The following RELN variants were observed in gnomAD, a reference collection of about 807,000 sequenced individuals.
RELN encodes the protein reelin.
A neutral mutation model predicts 427.6 loss-of-function variants in RELN; 108 were observed. That is an observed-to-expected ratio of 0.25 (90% CI 0.22 to 0.30). RELN has a LOEUF of 0.30. Ranked by LOEUF, RELN falls within the 10% of genes least tolerant of loss-of-function variation. The pLI is 1.00. For missense variants in RELN, 3,715 were observed against 4,302.8 expected (o/e 0.86, Z 3.82); for synonymous variants, 1,524 against 1,513.4 (o/e 1.01, Z -0.16).
At chr7:103,508,062 A>C (rs1407036395) in intron 51 of RELN, among the ~76,000 whole-genome samples, 1 of 152,234 alleles carries the variant, frequency 6.6e-6, no homozygotes, top group African/African-American at 2.4e-5. Flanking sequence ...AAACAAAAAA[A>C]GCCCAGGACC....
intron 50 of RELN, 48 bp downstream of exon 50, chr7:103,515,136 AC>A: frequency 1.9e-6 from 3 of 1,613,150 alleles, no homozygotes; most frequent in Non-Finnish European, 2.5e-6. Context: ...CCAAATCCAA[AC>A]CACTGCATTT....
intron 10 of RELN, among the ~76,000 whole-genome samples, chr7:103,693,511 T>C (rs769142111): frequency 6.3e-5 from 9 of 142,944 alleles, no homozygotes; most frequent in Admixed American, 1.4e-4. Context: ...TTTAAGTATA[T>C]ATAAAAAAAG....
intron 2 of RELN, among the ~76,000 whole-genome samples, chr7:103,881,223 T>C (rs913778796): frequency 9.2e-5 from 14 of 152,142 alleles, no homozygotes; most frequent in Non-Finnish European, 1.8e-4. Context: ...CCACTTCTCA[T>C]TGCTAAATGT....
intron 51 of RELN, among the ~76,000 whole-genome samples, chr7:103,506,731 G>T (rs936482924): frequency 1.8e-4 from 28 of 152,254 alleles, no homozygotes; most frequent in Middle Eastern, 3.4e-3. Flanking sequence ...AAATGTAAAT[G>T]GGCTAAATGC....
chr7:103,521,948 C>A, intron 48 of RELN, 74 bp downstream of exon 48: 2 of 1,497,254 alleles, frequency 1.3e-6, no homozygotes, highest in South Asian at 2.3e-5. Flanking sequence ...GCCCATTAAA[C>A]TTCAGAAGAG....
chr7:103,716,681 C>T (rs1442118294), intron 8 of RELN, among the ~76,000 whole-genome samples: 1 of 152,070 alleles, frequency 6.6e-6, no homozygotes, highest in African/African-American at 2.4e-5. Context: ...TAGGTGTGTG[C>T]CAAATTCTGT....
intron 1 of RELN, among the ~76,000 whole-genome samples, chr7:103,971,178 GA>G (rs1004532259): frequency 8.0e-5 from 12 of 150,558 alleles, no homozygotes; most frequent in African/African-American, 2.4e-5. Context: ...AAGAAAAAGG[GA>G]AAAAAAGGTA....
At chr7:103,713,863 C>T (rs972356314) in intron 8 of RELN, among the ~76,000 whole-genome samples, 2 of 152,118 alleles carry the variant, frequency 1.3e-5, no homozygotes, top group Non-Finnish European at 2.9e-5. Flanking sequence ...CTATGAACAG[C>T]ACTGTAGAAA....
chr7:103,621,174 G>T (rs1832210109), intron 20 of RELN, among the ~76,000 whole-genome samples: 1 of 152,128 alleles, frequency 6.6e-6, no homozygotes, highest in African/African-American at 2.4e-5. Context: ...GTTGCAAAAA[G>T]TAGTCAAATG....
chr7:103,475,990 T>C (rs899182422), intron 64 of RELN, among the ~76,000 whole-genome samples: 1 of 152,186 alleles, frequency 6.6e-6, no homozygotes, highest in African/African-American at 2.4e-5. Context: ...TGGCCTCAAG[T>C]GATCCTGTTG....
At position 103,824,689 on chromosome 7, in the gene RELN, G is replaced by T. The variant is rs1462601847; in HGVS notation, c.473+8848C>A. Among the ~76,000 whole-genome samples, 4 of 116,404 alleles carry T rather than the reference G, an allele frequency of 3.4e-5. No homozygotes were observed. Among genetic ancestry groups the T allele is most frequent in the African/African-American group, 1.3e-4 (4 of 31,402 alleles). The allele number at this position is 116,404 out of a possible 152,430, so 76.4% of individuals were successfully genotyped here. A position where few individuals can be genotyped will look rare whatever the true frequency, so the allele number is the denominator to read the frequency against. On this transcript the variant is annotated intron_variant, in intron 3 of 64. Transcript: ENST00000428762. This position sits in a 1 kb window ranked among gnomAD's most constrained non-coding sequence, Gnocchi z 4.4. ...GTGTGTGTGTGTTTGCTTCATTTTA[G>T]CTAGAGTTGCTATTTTATTTCAGTG...
intron 1 of RELN, among the ~76,000 whole-genome samples, chr7:103,962,641 A>AGCT (rs1261021644): frequency 9.9e-6 from 1 of 101,178 alleles, no homozygotes; most frequent in African/African-American, 5.7e-5. Flanking sequence ...TCCATTCCAA[A>AGCT]GTTGTTGTGT....
At chr7:103,874,088 A>G (rs1477794125) in intron 2 of RELN, among the ~76,000 whole-genome samples, 4 of 145,902 alleles carry the variant, frequency 2.7e-5, no homozygotes, top group Admixed American at 2.1e-4. Context: ...GCATATAAAC[A>G]GAGCCAAAGA....
At chr7:103,683,799 A>T (rs1369940262) in intron 10 of RELN, among the ~76,000 whole-genome samples, 1 of 152,150 alleles carries the variant, frequency 6.6e-6, no homozygotes, top group East Asian at 1.9e-4. Flanking sequence ...GCTGCAACAC[A>T]CCCAAAGGAA....
intron 1 of RELN, among the ~76,000 whole-genome samples, chr7:103,948,392 G>T (rs1191219811): frequency 6.6e-6 from 1 of 151,902 alleles, no homozygotes; most frequent in African/African-American, 2.4e-5. Context: ...ATAATTTGGG[G>T]CCGAGTGTGG....
At chr7:103,909,542 T>C (rs1007444446) in intron 2 of RELN, among the ~76,000 whole-genome samples, 2 of 145,410 alleles carry the variant, frequency 1.4e-5, no homozygotes, top group Non-Finnish European at 3.0e-5. Context: ...GGGAGGTGGA[T>C]GTTGTAGTGA....
rs1056418675 is a variant in RELN, at chr7:103,968,534, T to A, written c.226+20597A>T. Among the ~76,000 whole-genome samples, 41 of 151,846 alleles carry A rather than the reference T, an allele frequency of 2.7e-4. No homozygotes were observed. Among genetic ancestry groups the A allele is most frequent in the African/African-American group, 8.9e-4 (37 of 41,422 alleles). ...AAAGAAATTGTAAAAGGTAAGCAAATGTAAAAAAGAAGAAATTAGATCTCC... is the reference window on the plus strand; with the variant it reads ...AAAGAAATTGTAAAAGGTAAGCAAAAGTAAAAAAGAAGAAATTAGATCTCC... On this transcript the variant is annotated intron_variant, in intron 1 of 64. Coordinates refer to ENST00000428762, the MANE Select transcript of RELN (RefSeq NM_005045.4). This position sits in a 1 kb window ranked among gnomAD's most constrained non-coding sequence, Gnocchi z 4.3.
At chr7:103,842,996 C>T (rs1230338850) in intron 2 of RELN, among the ~76,000 whole-genome samples, 1 of 152,058 alleles carries the variant, frequency 6.6e-6, no homozygotes, top group Admixed American at 6.6e-5. Context: ...ACCCTGTCTG[C>T]CTATGTTTAG....
intron 22 of RELN, among the ~76,000 whole-genome samples, chr7:103,605,077 G>A (rs1042858854): frequency 2.0e-5 from 3 of 152,090 alleles, no homozygotes; most frequent in African/African-American, 4.8e-5. Context: ...TAATCCACCC[G>A]CCTTGGCCTC....
Sources: gnomAD v4.1 joint callset for allele counts (sites outside exome capture counted in the v4.1 genomes callset) on GRCh38, gnomAD v4.1.1 for gene constraint, Gnocchi (gnomAD v3.1) non-coding constraint, MANE v1.5 for transcripts, NCBI Gene and HGNC (gene_info 2026-07-23, HGNC 2026-07-21) for gene names.